Variants in TRAP1 observed in about 807,000 individuals in gnomAD.
TRAP1 encodes the protein heat shock protein 75 kDa, mitochondrial.
In TRAP1, 102 loss-of-function variants were observed where a neutral mutation model predicts 89.1. The observed-to-expected ratio is 1.15, with a 90% CI of 0.98 to 1.35. TRAP1 has a LOEUF of 1.35. TRAP1 is among the 40% of genes most tolerant of loss of function. The pLI, the probability that TRAP1 is intolerant of heterozygous loss-of-function variation, is 0.00. For missense variants in TRAP1, 1,256 were observed against 945.3 expected (o/e 1.33, Z -4.31); for synonymous variants, 508 against 388.0 (o/e 1.31, Z -3.64).
chr16:3,680,004 C>T (rs1034352255), intron 4 of TRAP1: 24 of 520,638 alleles, frequency 4.6e-5, no homozygotes, highest in Admixed American at 3.9e-4. Flanking sequence ...CCAAGGCAGG[C>T]GGATCACTTG....
intron 3 of TRAP1, among the ~76,000 whole-genome samples, chr16:3,687,891 A>T (rs949531438): frequency 3.6e-4 from 54 of 150,216 alleles, no homozygotes; most frequent in African/African-American, 1.3e-3. Flanking sequence ...AAACCCACAC[A>T]ATTAAAAATA....
At chr16:3,698,821 G>C (rs2051326221) in intron 1 of TRAP1, among the ~76,000 whole-genome samples, 1 of 151,992 alleles carries the variant, frequency 6.6e-6, no homozygotes, top group Non-Finnish European at 1.5e-5. Context: ...GCAAGGCAGA[G>C]GTTGCAGTGA....
intron 11 of TRAP1, among the ~76,000 whole-genome samples, chr16:3,668,071 C>A (rs1325540300): frequency 1.3e-5 from 2 of 151,952 alleles, no homozygotes; most frequent in Admixed American, 1.3e-4. Flanking sequence ...GGGATTACAC[C>A]TGCCTGCCAC....
intron 1 of TRAP1, among the ~76,000 whole-genome samples, chr16:3,695,428 C>T (rs1381754678): frequency 2.0e-5 from 3 of 151,138 alleles, no homozygotes; most frequent in Non-Finnish European, 1.5e-5. Flanking sequence ...ATCAGCTACT[C>T]GGGAGGCCGA....
At chr16:3,662,195 C>G (rs1234249452) in intron 15 of TRAP1, 63 bp from the exon 16 acceptor site, 3 of 1,566,408 alleles carry the variant, frequency 1.9e-6, no homozygotes, top group African/African-American at 1.3e-5. Flanking sequence ...CTGGCAGGAT[C>G]TTACCAGGGG....
At chr16:3,717,207 C>A (rs1361402782) in intron 1 of TRAP1, among the ~76,000 whole-genome samples, 1 of 152,242 alleles carries the variant, frequency 6.6e-6, no homozygotes, top group East Asian at 1.9e-4. Flanking sequence ...CTCCCATGGG[C>A]GGGTGGCGAG....
intron 1 of TRAP1, among the ~76,000 whole-genome samples, chr16:3,714,451 G>C (rs1450045770): frequency 6.6e-6 from 1 of 152,162 alleles, no homozygotes; most frequent in Non-Finnish European, 1.5e-5. Flanking sequence ...ATGAGGTCAG[G>C]AGTTCGAGAC....
intron 15 of TRAP1, 95 bp from the exon 16 acceptor site, chr16:3,662,227 G>C: frequency 6.8e-7 from 1 of 1,464,426 alleles, no homozygotes; most frequent in Non-Finnish European, 9.2e-7. Context: ...CAGACCACGA[G>C]GTAGCAGGCG....
intron 1 of TRAP1, among the ~76,000 whole-genome samples, chr16:3,709,128 A>G (rs905435281): frequency 6.7e-6 from 1 of 149,232 alleles, no homozygotes; most frequent in Non-Finnish European, 1.5e-5. Context: ...CACTGTCTCA[A>G]TTTTTAAAAG....
chr16:3,714,524 T>C (rs2051572233), intron 1 of TRAP1, among the ~76,000 whole-genome samples: 2 of 152,142 alleles, frequency 1.3e-5, no homozygotes, highest in South Asian at 4.1e-4. Flanking sequence ...CTGGGTGTGG[T>C]GGCATGCGCC....
At chr16:3,684,783 C>G (rs1596726006) in intron 4 of TRAP1, among the ~76,000 whole-genome samples, 1 of 152,084 alleles carries the variant, frequency 6.6e-6, no homozygotes, top group East Asian at 1.9e-4. Flanking sequence ...CAGCCACACT[C>G]TGTCTCCAAA....
chr16:3,695,939 A>G (rs149444202), intron 1 of TRAP1, among the ~76,000 whole-genome samples: 327 of 152,354 alleles, frequency 2.1e-3, no homozygotes, highest in African/African-American at 6.6e-3. Flanking sequence ...TACAGGCATC[A>G]GTACAGGCTC....
chr16:3,663,554 G>T lies in TRAP1; in HGVS notation c.1578C>A (p.Phe526Leu). The T allele has an allele frequency of 6.2e-7, 1 of 1,613,926 alleles. No individual in the cohort carries two copies. The highest frequency in any genetic ancestry group is 8.5e-7 in the Non-Finnish European group (1 of 1,179,946). The change falls in exon 14 of 18, where the codon TTC becomes TTA. Residue 526 changes from phenylalanine to leucine, a missense_variant. Physicochemically the swap from Phe to Leu is conservative, Grantham distance 22. Transcript: ENST00000246957. ...AMKKKDTEVLFCFEQFDELTL... is the reference protein window; with the variant it reads ...AMKKKDTEVLLCFEQFDELTL... ...TGAGCTCATCAAACTGCTCAAAGCA[G>T]AAGAGAACCTGCAGGTGGCCAAGAG... is the stretch of plus-strand genomic sequence containing the variant.
At chr16:3,663,600 G>T in intron 13 of TRAP1, 38 bp from the exon 14 acceptor site, 1 of 1,610,966 alleles carries the variant, frequency 6.2e-7, no homozygotes, top group African/African-American at 1.3e-5. Context: ...AGACCCCGGG[G>T]GCCTCCAGCC....
chr16:3,671,707 CGGCCCGA>C lies in TRAP1; in HGVS notation c.1235+8_1235+14del. 6.2e-7 allele frequency: 1 copy of C among 1,611,504 alleles called. No homozygotes were observed. Among genetic ancestry groups the C allele is most frequent in the Non-Finnish European group, 8.5e-7 (1 of 1,179,850 alleles). On this transcript the variant is annotated splice_region_variant and intron_variant, in intron 11 of 17. Transcript: ENST00000246957. ...TGTCCCCAGCAGGGTCCTCTCCCCGCGGCCCGAGGCTCACCTGATGAGTGCGCTCTCC... is the reference window on the plus strand; with the variant it reads ...TGTCCCCAGCAGGGTCCTCTCCCCGCGGCTCACCTGATGAGTGCGCTCTCC...
At chr16:3,688,817 A>G (rs1362149980) in intron 3 of TRAP1, among the ~76,000 whole-genome samples, 2 of 152,140 alleles carry the variant, frequency 1.3e-5, no homozygotes, top group East Asian at 3.8e-4. Context: ...TATTGGCAAA[A>G]TTCAATTAAT....
intron 1 of TRAP1, among the ~76,000 whole-genome samples, chr16:3,702,736 C>A (rs576601411): frequency 4.6e-5 from 7 of 150,834 alleles, no homozygotes; most frequent in Non-Finnish European, 8.8e-5. Flanking sequence ...CAAAGTGAGA[C>A]CCTGTCTTTA....
At position 3,672,556 on chromosome 16, in the gene TRAP1, G is replaced by A. The variant is rs530484132; in HGVS notation, c.1165+144C>T. Reference sequence around the variant, plus strand: ...GGGGCAGCTCCCGGGGTCTGTAAACGCGACTGACACACAGGCAGCGCAGGC... The same window carrying A: ...GGGGCAGCTCCCGGGGTCTGTAAACACGACTGACACACAGGCAGCGCAGGC... On this transcript the variant is annotated intron_variant, in intron 10 of 17. Coordinates refer to ENST00000246957, the MANE Select transcript of TRAP1 (RefSeq NM_016292.3). The A allele has an allele frequency of 8.3e-4, 1,090 of 1,319,950 alleles. 3 individuals carry two copies. The highest frequency in any genetic ancestry group is 9.2e-4 in the Non-Finnish European group (919 of 993,758). 81.8% of individuals were successfully genotyped at this position (1,319,950 alleles called of 1,614,324 possible).
intron 16 of TRAP1, chr16:3,661,753 G>A (rs2043088742): frequency 4.7e-6 from 2 of 428,800 alleles, no homozygotes; most frequent in Non-Finnish European, 8.0e-6. Flanking sequence ...ACGAGGACAT[G>A]GTCACAGGCT....
Sources: allele counts gnomAD v4.1 joint callset (sites outside exome capture counted in the v4.1 genomes callset), GRCh38; gene constraint gnomAD v4.1.1; transcripts MANE v1.5; gene names NCBI Gene and HGNC (gene_info 2026-07-23, HGNC 2026-07-21).